Variants in MBTPS1 observed in about 807,000 individuals in gnomAD.
MBTPS1 encodes membrane bound transcription factor peptidase, site 1.
In MBTPS1, 94 loss-of-function variants were observed where a neutral mutation model predicts 127.8. The ratio of observed to expected loss-of-function variants is 0.74; its 90% CI spans 0.62 to 0.87. The LOEUF is 0.87. Ranked by LOEUF, MBTPS1 falls within the 40% of genes least tolerant of loss-of-function variation. The pLI is 0.00. For missense variants in MBTPS1, 1,636 were observed against 1,353.2 expected (o/e 1.21, Z -3.28); for synonymous variants, 632 against 509.4 (o/e 1.24, Z -3.24).
At chr16:84,064,994 A>G (rs1373802589) in intron 18 of MBTPS1, among the ~76,000 whole-genome samples, 1 of 152,242 alleles carries the variant, frequency 6.6e-6, no homozygotes. Flanking sequence ...ACACAGTATC[A>G]AACTTGCATG....
In MBTPS1 at chr16:84,063,411, A is replaced by T. The variant is rs761471353; in HGVS notation, c.2466T>A (p.Val822=). 6 of 1,614,190 alleles carry T rather than the reference A, an allele frequency of 3.7e-6. No individual in the cohort carries two copies. The highest frequency in any genetic ancestry group is 3.4e-6 in the Non-Finnish European group (4 of 1,180,012). ...AAAGTCCCAAAATGGGGACGTTTTC[A>T]ACAACTGCTGTTTCCTGCTTTAAAA... ...LEVLKQETAV[V]ENVPILGLYQ... The change falls in exon 19 of 23, where the codon GTT becomes GTA. Residue 822 remains valine, a synonymous_variant. Transcript: ENST00000343411.
In MBTPS1 at chr16:84,093,811, T is replaced by G; in HGVS notation, c.636A>C (p.Val212=). 6.2e-7 allele frequency: 1 copy of G among 1,605,878 alleles called. No individual in the cohort carries two copies. Among genetic ancestry groups the G allele is most frequent in the Non-Finnish European group, 8.5e-7 (1 of 1,172,408 alleles). The change falls in exon 5 of 23, where the codon GTA becomes GTC. Residue 212 remains valine (V), a synonymous_variant. Coordinates refer to ENST00000343411, the MANE Select transcript of MBTPS1 (RefSeq NM_003791.4). ...GCCCAGTGTCAAAAACAGCAACTCT[T>G]ACATTAGCACCTTATTCGGAAAAGA... The part of the protein sequence containing the change: ...LWQMGYTGAN[V]RVAVFDTGLS...
intron 17 of MBTPS1, 77 bp downstream of exon 17, chr16:84,066,412 C>A: frequency 6.8e-7 from 1 of 1,460,646 alleles, no homozygotes; most frequent in Non-Finnish European, 9.2e-7. Context: ...TTCTCTTTCT[C>A]AAGAAATCTA....
At chr16:84,112,578 C>T (rs978532344) in intron 1 of MBTPS1, among the ~76,000 whole-genome samples, 1 of 147,876 alleles carries the variant, frequency 6.8e-6, no homozygotes, top group African/African-American at 2.5e-5. Flanking sequence ...ATGAGAATGG[C>T]GTGAATCTGG....
chr16:84,094,216 G>A lies in MBTPS1; in HGVS notation c.626-395C>T, dbSNP rs370185130. ...ACAGGTCTCCACCCCCCACCTTCTC[G>A]GAGGCCCTGCAAAACACTCACAAAC... On this transcript the variant is annotated intron_variant, in intron 4 of 22. Coordinates refer to ENST00000343411, the MANE Select transcript of MBTPS1 (RefSeq NM_003791.4). Among the ~76,000 whole-genome samples, 571 of 151,990 alleles carry A rather than the reference G, an allele frequency of 3.8e-3. 4 individuals carry two copies. The highest frequency in any genetic ancestry group is 0.013 in the African/African-American group (532 of 41,440).
chr16:84,101,987 T>C lies in MBTPS1; in HGVS notation c.-204A>G. On this transcript the variant is annotated 5_prime_UTR_variant, in exon 2 of 23. Transcript: ENST00000343411. Reference sequence around the variant, plus strand: ...AGAGGCTTTCATTTCTTTCTCCGCTTCTTCTCCATCTTGGAAATAAGGCTT... The same window carrying C: ...AGAGGCTTTCATTTCTTTCTCCGCTCCTTCTCCATCTTGGAAATAAGGCTT... 1 of 538,424 alleles carries C rather than the reference T, an allele frequency of 1.9e-6. No individual in the cohort carries two copies. 33.4% of individuals were successfully genotyped at this position (538,424 alleles called of 1,614,324 possible).
intron 14 of MBTPS1, among the ~76,000 whole-genome samples, chr16:84,069,544 G>A (rs1597313872): frequency 6.6e-6 from 1 of 152,240 alleles, no homozygotes; most frequent in Non-Finnish European, 1.5e-5. Context: ...CATGGACTAG[G>A]GTGGGAGCAG....
chr16:84,082,854 G>A (rs976125638), intron 10 of MBTPS1, among the ~76,000 whole-genome samples: 11 of 152,282 alleles, frequency 7.2e-5, no homozygotes, highest in East Asian at 1.9e-4. Flanking sequence ...CAAGGGTTGC[G>A]TTCCACTGCC....
chr16:84,076,266 T>C (rs2085853197), intron 11 of MBTPS1, among the ~76,000 whole-genome samples: 1 of 141,472 alleles, frequency 7.1e-6, no homozygotes, highest in South Asian at 2.2e-4. Context: ...ACTAGACAGA[T>C]AATCTAACAC....
In MBTPS1 at chr16:84,068,330, G is replaced by A; in HGVS notation, c.2071+9C>T. ...AAGACCATCTGGCTAGCACAGCAGT[G>A]CCACTTACCATACTGACTGGCATCA... is the stretch of plus-strand genomic sequence containing the variant. On this transcript the variant is annotated intron_variant, in intron 15 of 22. Transcript: ENST00000343411. The A allele has an allele frequency of 7.7e-6, 12 of 1,563,010 alleles. No individual in the cohort carries two copies. The highest frequency in any genetic ancestry group is 1.1e-5 in the Non-Finnish European group (12 of 1,133,558).
chr16:84,064,770 T>C (rs2085657355), intron 18 of MBTPS1, among the ~76,000 whole-genome samples: 1 of 152,196 alleles, frequency 6.6e-6, no homozygotes, highest in Non-Finnish European at 1.5e-5. Context: ...AAATATAACC[T>C]ATTAAACACA....
In MBTPS1 at chr16:84,081,909, C is replaced by T; in HGVS notation, c.1287-1G>A. On this transcript the variant is annotated splice_acceptor_variant, in intron 10 of 22. Coordinates refer to ENST00000343411, the MANE Select transcript of MBTPS1 (RefSeq NM_003791.4). LOFTEE classifies it high-confidence loss of function. ...CACCAGCTCACGCTTCTGGACTGTG[C>T]TGGAGGAAAAATCAAGAATTGCCTA... 1 of 1,386,908 alleles carries T rather than the reference C, an allele frequency of 7.2e-7. No individual in the cohort carries two copies. The allele number at this position is 1,386,908 out of a possible 1,614,324, so 85.9% of individuals were successfully genotyped here.
Position 84,066,527 on chromosome 16 carries a change from C to T in MBTPS1, c.2315G>A (p.Gly772Asp). ...CAGGGTGAACTCCCCTTCATACAGG[C>T]CATCGCTGAACCCCATGTTCCACAC... ...LSVWNMGFSD[G>D]LYEGEFTLAN... The change falls in exon 17 of 23, where the codon GGC (glycine) becomes GAC (aspartate). Residue 772 changes from glycine (G) to aspartate (D), a missense_variant. Gly to Asp is a moderately conservative substitution (Grantham distance 94, BLOSUM62 -1). Coordinates refer to ENST00000343411, the MANE Select transcript of MBTPS1 (RefSeq NM_003791.4). 6.2e-7 allele frequency: 1 copy of T among 1,614,166 alleles called. No individual in the cohort carries two copies. The highest frequency in any genetic ancestry group is 8.5e-7 in the Non-Finnish European group (1 of 1,180,018).
rs1235008271 is a variant in MBTPS1, at chr16:84,069,969, G to T, written c.1852C>A (p.Pro618Thr). ...TCCCAGAGAACTCTCTTGCTTCGCG[G>T]GGGAGTAGGAATTATCTTCACCTTA... ...PIKVKIIPTP[P>T]RSKRVLWDQY... Residue 618 changes from proline (P) to threonine (T), a missense_variant, in exon 14 of 23, where the codon CCG becomes ACG. By Grantham distance (38) the Pro-to-Thr change is conservative. Coordinates refer to ENST00000343411, the MANE Select transcript of MBTPS1 (RefSeq NM_003791.4). 4.3e-6 allele frequency: 7 copies of T among 1,613,960 alleles called. No homozygotes were observed. The highest frequency in any genetic ancestry group is 5.9e-6 in the Non-Finnish European group (7 of 1,179,964).
chr16:84,079,811 G>A (rs1014381926), intron 11 of MBTPS1, among the ~76,000 whole-genome samples: 1 of 152,234 alleles, frequency 6.6e-6, no homozygotes, highest in Admixed American at 6.5e-5. Flanking sequence ...CATGTTTCCA[G>A]TACATACACA....
In MBTPS1 at chr16:84,102,116, C is replaced by A; in HGVS notation, c.-324-9G>T. ...AACCACTGTGAGCCAATCTATGAAA[C>A]AAAAAACAGTGCACACAGACATTAG... On this transcript the variant is annotated splice_polypyrimidine_tract_variant and intron_variant, in intron 1 of 22. Transcript: ENST00000343411. The A allele has an allele frequency of 1.0e-5, 2 of 195,738 alleles. No individual in the cohort carries two copies. The highest frequency in any genetic ancestry group is 1.0e-5 in the Non-Finnish European group (1 of 95,466). The allele number at this position is 195,738 out of a possible 1,614,324, so 12.1% of individuals were successfully genotyped here.
chr16:84,093,730 G>C lies in MBTPS1; in HGVS notation c.717C>G (p.Asn239Lys). 2 of 1,613,746 alleles carry C rather than the reference G, an allele frequency of 1.2e-6. No individual in the cohort carries two copies. The highest frequency in any genetic ancestry group is 1.7e-6 in the Non-Finnish European group (2 of 1,179,642). Residue 239 changes from asparagine to lysine, a missense_variant, in exon 5 of 23, where the codon AAC becomes AAG. Transcript: ENST00000343411. ...ACCCACCATCGTCCAGCGTTCGCTC[G>C]TTGGTCCAGTTGGTTCTCTCCTTCA... ...KNVKERTNWT[N>K]ERTLDDGLGH... is the part of the protein sequence containing the mutation.
chr16:84,055,053 G>A (rs778448920), intron 22 of MBTPS1, among the ~76,000 whole-genome samples: 9 of 152,226 alleles, frequency 5.9e-5, no homozygotes, highest in South Asian at 2.1e-4. Flanking sequence ...TGAGTGGGAG[G>A]AGGAGAAAGG....
At chr16:84,055,242 G>A (rs570456198) in intron 22 of MBTPS1, among the ~76,000 whole-genome samples, 7 of 152,234 alleles carry the variant, frequency 4.6e-5, no homozygotes, top group African/African-American at 1.4e-4. Flanking sequence ...TGACCTATGC[G>A]CAAGGCCCTC....
Sources: gnomAD v4.1 joint callset for allele counts (sites outside exome capture counted in the v4.1 genomes callset) on GRCh38, gnomAD v4.1.1 for gene constraint, MANE v1.5 for transcripts, NCBI Gene and HGNC (gene_info 2026-07-23, HGNC 2026-07-21) for gene names.